Variants in SLC24A2 observed in about 807,000 individuals in gnomAD.
SLC24A2 encodes the protein solute carrier family 24 member 2.
A neutral mutation model predicts 62.0 loss-of-function variants in SLC24A2; 36 were observed. The ratio of observed to expected loss-of-function variants is 0.58; its 90% confidence interval spans 0.44 to 0.77. SLC24A2 has a LOEUF of 0.77. Ranked by LOEUF, SLC24A2 falls within the 30% of genes least tolerant of loss-of-function variation. The pLI is 0.00. For synonymous variants in SLC24A2, 358 were observed against 294.0 expected (o/e 1.22, Z -2.23); for missense variants, 846 against 817.9 (o/e 1.03, Z -0.42).
the SLC24A2 span, among the ~76,000 whole-genome samples, chr9:20,183,849 T>C: frequency 3.3e-5 from 5 of 151,174 alleles, no homozygotes; most frequent in Admixed American, 3.3e-4. Context: ...ATCAATGGTT[T>C]TCAAAATGCA....
At chr9:20,134,468 T>G in the SLC24A2 span, among the ~76,000 whole-genome samples, 1 of 152,088 alleles carries the variant, frequency 6.6e-6, no homozygotes, top group East Asian at 1.9e-4. Flanking sequence ...CACAGCAACT[T>G]CCAGCAGAGT....
At chr9:19,663,102 G>A (rs1287009444) in intron 2 of SLC24A2, among the ~76,000 whole-genome samples, 1 of 152,184 alleles carries the variant, frequency 6.6e-6, no homozygotes, top group African/African-American at 2.4e-5. Flanking sequence ...CAACATACTG[G>A]CTCATTTCCT....
chr9:19,636,392 TCTCTCTCTCTC>T (rs1818354508), intron 2 of SLC24A2, among the ~76,000 whole-genome samples: 1 of 102,814 alleles, frequency 9.7e-6, no homozygotes, highest in African/African-American at 4.4e-5. Flanking sequence ...TCTTTCTCCC[TCTCTCTCTCTC>T]TCTCTTTCTT....
chr9:20,243,247 T>G, the SLC24A2 span, among the ~76,000 whole-genome samples: 1 of 152,196 alleles, frequency 6.6e-6, no homozygotes, highest in Non-Finnish European at 1.5e-5. Context: ...CCCTTCATGG[T>G]TGGCATCTGC....
chr9:20,217,949 C>T, the SLC24A2 span, among the ~76,000 whole-genome samples: 11 of 152,204 alleles, frequency 7.2e-5, no homozygotes, highest in African/African-American at 2.7e-4. Flanking sequence ...TTCCAATGAA[C>T]TCAAAGAAAA....
At chr9:19,825,318 A>G in the SLC24A2 span, among the ~76,000 whole-genome samples, 3 of 152,316 alleles carry the variant, frequency 2.0e-5, no homozygotes, top group Non-Finnish European at 4.4e-5. Context: ...TTTTGCCTGG[A>G]GTAATTCTAT....
intron 2 of SLC24A2, among the ~76,000 whole-genome samples, chr9:19,640,924 T>C (rs1276089096): frequency 2.0e-5 from 3 of 152,224 alleles, no homozygotes; most frequent in African/African-American, 7.2e-5. Context: ...TTATCTTCTA[T>C]TCTAAGTTCA....
intron 2 of SLC24A2, among the ~76,000 whole-genome samples, chr9:19,656,529 GA>G (rs1321583719): frequency 2.0e-5 from 3 of 152,154 alleles, no homozygotes; most frequent in East Asian, 3.9e-4. Flanking sequence ...TACTCTCATG[GA>G]AATCCTTCTC....
the SLC24A2 span, among the ~76,000 whole-genome samples, chr9:20,190,609 T>C: frequency 6.6e-6 from 1 of 152,180 alleles, no homozygotes; most frequent in Non-Finnish European, 1.5e-5. Flanking sequence ...GTTAAATAAT[T>C]TCTCCCAGCA....
chr9:20,258,927 C>A, the SLC24A2 span, among the ~76,000 whole-genome samples: 4 of 151,884 alleles, frequency 2.6e-5, no homozygotes, highest in East Asian at 5.8e-4. Context: ...TCTGGAAAGC[C>A]CTAACTAAAA....
At chr9:20,052,940 A>G in the SLC24A2 span, among the ~76,000 whole-genome samples, 5 of 152,204 alleles carry the variant, frequency 3.3e-5, no homozygotes, top group Non-Finnish European at 5.9e-5. Flanking sequence ...CTGAATTTCA[A>G]TGAGTTTTCT....
chr9:20,039,245 A>T, the SLC24A2 span, among the ~76,000 whole-genome samples: 2 of 152,080 alleles, frequency 1.3e-5, no homozygotes, highest in Non-Finnish European at 2.9e-5. Flanking sequence ...AAATGACCCA[A>T]AGGGACTACC....
chr9:19,866,728 C>A, the SLC24A2 span, among the ~76,000 whole-genome samples: 9,038 of 147,408 alleles, frequency 0.061, 391 homozygotes, highest in African/African-American at 0.11. Context: ...GCTCCGCCTC[C>A]CAGGTTCATG....
At chr9:20,206,697 G>C in the SLC24A2 span, among the ~76,000 whole-genome samples, 1 of 151,996 alleles carries the variant, frequency 6.6e-6, no homozygotes, top group Non-Finnish European at 1.5e-5. Flanking sequence ...GGTCATGCTG[G>C]TCTCGAACTC....
chr9:19,658,568 C>T (rs1176349022), intron 2 of SLC24A2, among the ~76,000 whole-genome samples: 1 of 152,218 alleles, frequency 6.6e-6, no homozygotes, highest in Non-Finnish European at 1.5e-5. Flanking sequence ...AACTGACACT[C>T]GGATAAGTTA....
chr9:20,121,024 C>A, the SLC24A2 span, among the ~76,000 whole-genome samples: 1 of 149,238 alleles, frequency 6.7e-6, no homozygotes, highest in Non-Finnish European at 1.5e-5. Flanking sequence ...AATTACTGAA[C>A]TTTTATAAGT....
intron 4 of SLC24A2, among the ~76,000 whole-genome samples, chr9:19,617,654 A>G (rs1216272887): frequency 1.3e-5 from 2 of 152,166 alleles, no homozygotes; most frequent in African/African-American, 4.8e-5. Context: ...CTAATCCAGA[A>G]AGCAGTATGG....
At chr9:19,761,217 T>A (rs1307500413) in intron 2 of SLC24A2, among the ~76,000 whole-genome samples, 1 of 152,104 alleles carries the variant, frequency 6.6e-6, no homozygotes, top group African/African-American at 2.4e-5. Context: ...TGGTTCTAGA[T>A]CCTTGAGGAA....
At chr9:19,835,374 G>C in the SLC24A2 span, among the ~76,000 whole-genome samples, 9 of 149,156 alleles carry the variant, frequency 6.0e-5, no homozygotes, top group African/African-American at 2.4e-5. Flanking sequence ...TAAAGGGATG[G>C]AGGAATATCT....
Sources: allele counts gnomAD v4.1 joint callset (sites outside exome capture counted in the v4.1 genomes callset), GRCh38; gene constraint gnomAD v4.1.1; transcripts MANE v1.5; gene names NCBI Gene and HGNC (gene_info 2026-07-23, HGNC 2026-07-21).